Variants in ZNF721 observed in about 807,000 individuals in gnomAD.
ZNF721 encodes zinc finger protein 721.
A neutral mutation model predicts 2.4 loss-of-function variants in ZNF721; 2 were observed. The observed-to-expected ratio is 0.82, with a 90% confidence interval of 0.34 to 2.58. ZNF721 has a LOEUF of 2.58. Among genes scored for constraint, ZNF721 ranks in the 30% most tolerant of loss-of-function variants. The pLI is 0.11. For synonymous variants in ZNF721, 398 were observed against 381.8 expected (o/e 1.04, Z -0.50); for missense variants, 1,187 against 1,085.5 (o/e 1.09, Z -1.31).
rs184552623 is a variant in ZNF721 at position 445,570 on chromosome 4, A to C, written c.35-1138T>G. Among the ~76,000 whole-genome samples, 51 of 152,342 alleles carry C rather than the reference A, an allele frequency of 3.3e-4. 1 individual carries two copies. The highest frequency in any genetic ancestry group is 3.1e-3 in the Admixed American group (47 of 15,308). ...AGAAAACCATAAAAAAAGATGTACT[A>C]ATTTTTTAAATGTAATCTGAATAAT... On this transcript the variant is annotated intron_variant, in intron 2 of 2. Coordinates refer to ENST00000511833, the MANE Select transcript of ZNF721 (RefSeq NM_133474.4).
At chr4:495,960 A>G (rs1177895424) in intron 1 of ZNF721, among the ~76,000 whole-genome samples, 1 of 152,148 alleles carries the variant, frequency 6.6e-6, no homozygotes, top group Non-Finnish European at 1.5e-5. Flanking sequence ...AAATCTCATT[A>G]CCATATTTCG....
At chr4:496,140 C>A (rs1560247957) in intron 1 of ZNF721, among the ~76,000 whole-genome samples, 1 of 135,298 alleles carries the variant, frequency 7.4e-6, no homozygotes, top group South Asian at 2.4e-4. Flanking sequence ...AACCATACCG[C>A]CTTTTTTGTG....
chr4:441,850 T>C lies in ZNF721; in HGVS notation c.2617A>G (p.Thr873Ala), dbSNP rs557474265. 2.5e-5 allele frequency: 41 copies of C among 1,613,374 alleles called. No homozygotes were observed. The East Asian group carries it at 8.3e-4, about 32-fold the overall frequency. ...TAAAGATTTGCAGACTGTCTAAAGGTTTTGCCACATTCTCCACATGTGTAG... is the reference window on the plus strand; with the variant it reads ...TAAAGATTTGCAGACTGTCTAAAGGCTTTGCCACATTCTCCACATGTGTAG... The part of the protein sequence containing the change: ...KPYTCGECGK[T>A]FRQSANLYAH... The change falls in exon 3 of 3, where the codon ACC (threonine) becomes GCC (alanine). Residue 873 changes from threonine to alanine, a missense_variant. Thr to Ala is a moderately conservative substitution (Grantham distance 58, BLOSUM62 0). Transcript: ENST00000511833.
chr4:473,652 G>C (rs544118333), intron 1 of ZNF721, among the ~76,000 whole-genome samples: 1 of 152,218 alleles, frequency 6.6e-6, no homozygotes, highest in South Asian at 2.1e-4. Flanking sequence ...CGTAAAGTAG[G>C]GACAGGACCC....
intron 2 of ZNF721, among the ~76,000 whole-genome samples, chr4:455,522 G>A (rs375574075): frequency 1.6e-4 from 24 of 152,178 alleles, no homozygotes; most frequent in African/African-American, 5.1e-4. Flanking sequence ...AGCCGAGATC[G>A]TGCCACTGCG....
chr4:489,149 C>T (rs374430008), intron 1 of ZNF721, among the ~76,000 whole-genome samples: 30 of 152,274 alleles, frequency 2.0e-4, no homozygotes, highest in African/African-American at 4.8e-4. Flanking sequence ...CCTTTCCACC[C>T]GCCGTGGGTT....
intron 2 of ZNF721, among the ~76,000 whole-genome samples, chr4:457,635 A>G (rs1553865544): frequency 6.6e-6 from 1 of 152,182 alleles, no homozygotes; most frequent in Non-Finnish European, 1.5e-5. Context: ...CATGGTGTGG[A>G]AGAAATCCTG....
chr4:496,014 C>T (rs1342643029), intron 1 of ZNF721, among the ~76,000 whole-genome samples: 1 of 152,126 alleles, frequency 6.6e-6, no homozygotes, highest in East Asian at 1.9e-4. Context: ...ATTGCTCTTT[C>T]GGTTTGGTCT....
chr4:476,766 C>A (rs1715632896), intron 1 of ZNF721, among the ~76,000 whole-genome samples: 1 of 152,180 alleles, frequency 6.6e-6, no homozygotes, highest in African/African-American at 2.4e-5. Context: ...CAATTTGATT[C>A]TCTCATGGTT....
chr4:480,875 GCTC>G (rs528863043), intron 1 of ZNF721, among the ~76,000 whole-genome samples: 25 of 148,630 alleles, frequency 1.7e-4, no homozygotes, highest in Non-Finnish European at 3.4e-4. Flanking sequence ...GTCCATTCCA[GCTC>G]CTGCTTTGCA....
chr4:442,749 T>C lies in ZNF721; in HGVS notation c.1718A>G (p.Tyr573Cys). ...TCCAGTATGAATTCTCCTATGTACATAAAGGTTTGCGGACTGTCTAAAGGT... is the reference window on the plus strand; with the variant it reads ...TCCAGTATGAATTCTCCTATGTACACAAAGGTTTGCGGACTGTCTAAAGGT... ...GKTFRQSANLYVHRRIHTGEK... is the reference protein window; with the variant it reads ...GKTFRQSANLCVHRRIHTGEK... Residue 573 changes from tyrosine (Y) to cysteine (C), a missense_variant, in exon 3 of 3, where the codon TAT becomes TGT. Physicochemically the swap from Tyr to Cys is radical, Grantham distance 194. Transcript: ENST00000511833. 1 of 1,614,146 alleles carries C rather than the reference T, an allele frequency of 6.2e-7. No individual in the cohort carries two copies. Among genetic ancestry groups the C allele is most frequent in the Non-Finnish European group, 8.5e-7 (1 of 1,180,006 alleles).
At chr4:459,650 T>G (rs1714955324) in intron 2 of ZNF721, among the ~76,000 whole-genome samples, 1 of 151,962 alleles carries the variant, frequency 6.6e-6, no homozygotes. Context: ...GTTAACATGG[T>G]GAAACCCCGT....
chr4:473,400 A>T (rs1715500481), intron 1 of ZNF721, among the ~76,000 whole-genome samples: 2 of 152,048 alleles, frequency 1.3e-5, no homozygotes, highest in South Asian at 4.2e-4. Context: ...AAGACCACCA[A>T]TCATCATCCT....
At chr4:445,927 A>T (rs185154469) in intron 2 of ZNF721, among the ~76,000 whole-genome samples, 4 of 152,214 alleles carry the variant, frequency 2.6e-5, no homozygotes, top group African/African-American at 7.2e-5. Flanking sequence ...CAACAAAACT[A>T]TTTCACACCA....
At chr4:496,880 T>C (rs1328995852) in intron 1 of ZNF721, among the ~76,000 whole-genome samples, 1 of 151,496 alleles carries the variant, frequency 6.6e-6, no homozygotes, top group African/African-American at 2.4e-5. Flanking sequence ...GCCCGGCTAA[T>C]TTTTTGTATT....
chr4:443,036 T>C lies in ZNF721; in HGVS notation c.1431A>G (p.Gln477=), dbSNP rs782365908. The change falls in exon 3 of 3, where the codon CAA becomes CAG. Residue 477 remains glutamine, a synonymous_variant. Coordinates refer to ENST00000511833, the MANE Select transcript of ZNF721 (RefSeq NM_133474.4). The part of the protein sequence containing the change: ...HTGKKPYKCK[Q]CGKVITSSSS... ...AGGATGAGGTAATGACTTTGCCACA[T>C]TGCTTACATTTGTAGGGTTTCTTTC... 17 of 1,613,826 alleles carry C rather than the reference T, an allele frequency of 1.1e-5. No individual in the cohort carries two copies. Among genetic ancestry groups the C allele is most frequent in the East Asian group, 6.7e-5 (3 of 44,876 alleles).
rs2108687024 is a variant in ZNF721 at position 442,000 on chromosome 4, T to C, written c.2467A>G (p.Thr823Ala). 6 of 1,613,842 alleles carry C rather than the reference T, an allele frequency of 3.7e-6. No homozygotes were observed. Among genetic ancestry groups the C allele is most frequent in the South Asian group, 2.2e-5 (2 of 91,064 alleles). ...ECGKAFTSST[T>A]LTKHRRIHTG... ...TGAATTCTCCTATGTTTAGTAAGGG[T>C]TGTGGAACTAGTAAACGCTTTACCA... Residue 823 changes from threonine to alanine, a missense_variant, in exon 3 of 3, where the codon ACC becomes GCC. Coordinates refer to ENST00000511833, the MANE Select transcript of ZNF721 (RefSeq NM_133474.4).
intron 2 of ZNF721, among the ~76,000 whole-genome samples, chr4:470,380 C>T (rs1715394245): frequency 6.6e-6 from 1 of 152,166 alleles, no homozygotes; most frequent in Admixed American, 6.5e-5. Context: ...TCAAAGTAAA[C>T]TGCTTCTTCA....
chr4:455,342 C>A (rs373463987), intron 2 of ZNF721, among the ~76,000 whole-genome samples: 1 of 152,058 alleles, frequency 6.6e-6, no homozygotes, highest in East Asian at 1.9e-4. Flanking sequence ...CCGAGGCGGG[C>A]GGATCAGCTG....
Sources: allele counts gnomAD v4.1 joint callset (sites outside exome capture counted in the v4.1 genomes callset), GRCh38; gene constraint gnomAD v4.1.1; transcripts MANE v1.5; gene names NCBI Gene and HGNC (gene_info 2026-07-23, HGNC 2026-07-21).